The following ANKIB1 variants were observed in gnomAD, a reference collection of about 807,000 sequenced individuals.
ANKIB1 encodes the protein ankyrin repeat and IBR domain containing 1, also known as ankyrin repeat and IBR domain-containing protein 1.
A neutral mutation model predicts 122.1 loss-of-function variants in ANKIB1; 43 were observed. That is an observed-to-expected ratio of 0.35 (90% CI 0.28 to 0.45). The LOEUF (loss-of-function observed/expected upper bound fraction) is 0.45. Ranked by LOEUF, ANKIB1 falls within the 20% of genes least tolerant of loss-of-function variation. The probability of loss-of-function intolerance (pLI) is 1.00; values close to 1 mark genes in which losing one functional copy is unlikely to be tolerated. For missense variants in ANKIB1, 992 were observed against 1,329.5 expected, an observed-to-expected ratio of 0.75 and a Z score of 3.95; for synonymous variants, 390 against 442.0, an observed-to-expected ratio of 0.88 and a Z score of 1.48.
intron 1 of ANKIB1, among the ~76,000 whole-genome samples, chr7:92,293,071 C>G (rs909992827): frequency 6.6e-6 from 1 of 152,190 alleles, no homozygotes; most frequent in Non-Finnish European, 1.5e-5. Flanking sequence ...TAGTTAATGC[C>G]TACCTCCAGA....
In ANKIB1 at chr7:92,398,308, G is replaced by A. The variant is rs895773617; in HGVS notation, c.2629G>A (p.Asp877Asn). 1 of 1,613,600 alleles carries A rather than the reference G, an allele frequency of 6.2e-7. No individual in the cohort carries two copies. Among genetic ancestry groups the A allele is most frequent in the Non-Finnish European group, 8.5e-7 (1 of 1,179,784 alleles). The change falls in exon 20 of 20, where the codon GAC (aspartate) becomes AAC (asparagine). Residue 877 changes from aspartate to asparagine, a missense_variant. Physicochemically the swap from Asp to Asn is conservative, Grantham distance 23 (BLOSUM62 1). Around this residue, in one of 4 missense-constraint regions of ANKIB1, gnomAD observed 384 missense variants for 412.0 expected, o/e 0.93. Transcript: ENST00000265742. Reference protein sequence around the residue: ...SGLALDEETRDFLSNEASLGA... With the variant: ...SGLALDEETRNFLSNEASLGA... ...GCTGGCCCTCGATGAAGAAACTAGA[G>A]ACTTCCTCAGTAATGAAGCATCCTT... is the stretch of plus-strand genomic sequence containing the variant.
chr7:92,255,771 A>G (rs886161161), intron 1 of ANKIB1, among the ~76,000 whole-genome samples: 1 of 152,136 alleles, frequency 6.6e-6, no homozygotes, highest in Middle Eastern at 3.2e-3. Context: ...TTGGGCTGTC[A>G]TGTTTTAAAG....
intron 5 of ANKIB1, among the ~76,000 whole-genome samples, chr7:92,339,992 G>GT (rs1803401922): frequency 6.6e-6 from 1 of 150,654 alleles, no homozygotes; most frequent in Non-Finnish European, 1.5e-5. Flanking sequence ...AGTTTTTTTG[G>GT]TAAGTGTTTT....
At chr7:92,267,781 A>C (rs535901163) in intron 1 of ANKIB1, among the ~76,000 whole-genome samples, 4 of 152,236 alleles carry the variant, frequency 2.6e-5, no homozygotes, top group African/African-American at 9.6e-5. Context: ...GAGATTTTTT[A>C]ATGATAGAAA....
intron 3 of ANKIB1, among the ~76,000 whole-genome samples, chr7:92,308,166 A>G (rs890369041): frequency 2.0e-5 from 3 of 151,948 alleles, no homozygotes; most frequent in Admixed American, 1.3e-4. Flanking sequence ...CACTGCGCCC[A>G]ACCAACGGCC....
chr7:92,394,019 G>T (rs1250677414), intron 17 of ANKIB1, among the ~76,000 whole-genome samples: 3 of 152,002 alleles, frequency 2.0e-5, no homozygotes, highest in Non-Finnish European at 4.4e-5. Context: ...CAAGCATAAA[G>T]GTTTGTTTTA....
At chr7:92,292,316 C>A (rs1302886302) in intron 1 of ANKIB1, among the ~76,000 whole-genome samples, 1 of 152,108 alleles carries the variant, frequency 6.6e-6, no homozygotes, top group Non-Finnish European at 1.5e-5. Context: ...CTTCTCAATG[C>A]CATTATCCTT....
At chr7:92,394,843 G>A (rs1476016177) in intron 17 of ANKIB1, among the ~76,000 whole-genome samples, 1 of 152,110 alleles carries the variant, frequency 6.6e-6, no homozygotes, top group Non-Finnish European at 1.5e-5. Flanking sequence ...AACCTAACAG[G>A]ATGCCTCCCA....
chr7:92,248,884 C>CT (rs1801259876), intron 1 of ANKIB1, among the ~76,000 whole-genome samples: 3 of 125,428 alleles, frequency 2.4e-5, no homozygotes, highest in South Asian at 2.7e-4. Context: ...TTTTTCTTTT[C>CT]TTTCTTTTTT....
At chr7:92,329,541 A>G (rs1411485927) in intron 5 of ANKIB1, among the ~76,000 whole-genome samples, 1 of 152,194 alleles carries the variant, frequency 6.6e-6, no homozygotes, top group Non-Finnish European at 1.5e-5. Context: ...CCTAAACAAT[A>G]AAGATTATGT....
At chr7:92,327,755 T>C (rs1484628074) in intron 4 of ANKIB1, 28 bp from the exon 5 acceptor site, 2 of 1,336,238 alleles carry the variant, frequency 1.5e-6, no homozygotes, top group African/African-American at 3.0e-5. Flanking sequence ...ATAATGCCCA[T>C]TTAACTTTAT....
chr7:92,355,831 G>A (rs975648174), intron 9 of ANKIB1, among the ~76,000 whole-genome samples: 41 of 149,066 alleles, frequency 2.8e-4, no homozygotes, highest in Admixed American at 1.0e-3. Flanking sequence ...CCCAGGCAAC[G>A]GAGCGAGACT....
At chr7:92,274,312 G>A (rs1801855453) in intron 1 of ANKIB1, among the ~76,000 whole-genome samples, 1 of 152,308 alleles carries the variant, frequency 6.6e-6, no homozygotes, top group South Asian at 2.1e-4. Flanking sequence ...CCTTAGAGCA[G>A]TAAGAAATTT....
At chr7:92,253,753 T>A (rs1191837920) in intron 1 of ANKIB1, among the ~76,000 whole-genome samples, 2 of 152,102 alleles carry the variant, frequency 1.3e-5, no homozygotes, top group African/African-American at 4.8e-5. Context: ...TGAGTATGTG[T>A]GTACATTCAG....
rs1803367768 is a variant in ANKIB1, at chr7:92,338,950, ATATATATATATATATATATATT to A, written c.788-4068_788-4047del. On this transcript the variant is annotated intron_variant, in intron 5 of 19. Coordinates refer to ENST00000265742, the MANE Select transcript of ANKIB1 (RefSeq NM_019004.2). Reference sequence around the variant, plus strand: ...AAAAAAAAAATATATATATATATATATATATATATATATATATATATTTATATGAATCTTCCTTTTTTCTTTA... The same window carrying A: ...AAAAAAAAAATATATATATATATATATATATGAATCTTCCTTTTTTCTTTA... Among the ~76,000 whole-genome samples, 5 of 108,678 alleles carry A rather than the reference ATATATATATATATATATATATT, an allele frequency of 4.6e-5. 1 individual carries two copies. The highest frequency in any genetic ancestry group is 6.4e-4 in the South Asian group (2 of 3,124). The allele number at this position is 108,678 out of a possible 152,430, so 71.3% of individuals were successfully genotyped here.
intron 17 of ANKIB1, among the ~76,000 whole-genome samples, chr7:92,394,193 TAA>T (rs1420645153): frequency 6.6e-6 from 1 of 152,190 alleles, no homozygotes; most frequent in African/African-American, 2.4e-5. Context: ...CTAGAAGGAT[TAA>T]AGCATCTCAT....
At chr7:92,286,893 G>A (rs565742401) in intron 1 of ANKIB1, among the ~76,000 whole-genome samples, 2 of 152,294 alleles carry the variant, frequency 1.3e-5, no homozygotes, top group South Asian at 2.1e-4. Context: ...AACATATCCA[G>A]AATCCAGACA....
rs1012647255 is a variant in ANKIB1, at chr7:92,388,086, T to C, written c.1906+45T>C. On this transcript the variant is annotated intron_variant, in intron 14 of 19. Transcript: ENST00000265742. ...TGTGATAATTAATATAAAATATCTT[T>C]CCATGCTTGTCATTTCACTAGTAGG... 1.0e-5 allele frequency: 15 copies of C among 1,489,426 alleles called. No homozygotes were observed. The African/African-American group carries it at 2.0e-4, about 19-fold the overall frequency. The allele number at this position is 1,489,426 out of a possible 1,614,324, so 92.3% of individuals were successfully genotyped here.
At chr7:92,299,920 T>C (rs1057468933) in intron 2 of ANKIB1, among the ~76,000 whole-genome samples, 1 of 152,136 alleles carries the variant, frequency 6.6e-6, no homozygotes, top group Non-Finnish European at 1.5e-5. Context: ...TTTTCCTGCC[T>C]CAGCCTCCCA....
Sources: allele counts gnomAD v4.1 joint callset (sites outside exome capture counted in the v4.1 genomes callset), GRCh38; gene constraint gnomAD v4.1.1; regional missense constraint gnomAD v4.1.1; transcripts MANE v1.5; gene names NCBI Gene and HGNC (gene_info 2026-07-23, HGNC 2026-07-21).